MUC5B: variants seen among roughly 807,000 people sequenced by gnomAD.
MUC5B encodes the protein mucin-5B.
A neutral mutation model predicts 376.9 loss-of-function variants in MUC5B; 116 were observed. The ratio of observed to expected loss-of-function variants is 0.31; its 90% confidence interval spans 0.26 to 0.36. MUC5B has a LOEUF of 0.36. Ranked by LOEUF, MUC5B falls within the 10% of genes least tolerant of loss-of-function variation. MUC5B has a pLI of 1.00. For synonymous variants in MUC5B, 3,517 were observed against 3,390.9 expected (o/e 1.04, Z -1.29); for missense variants, 7,165 against 7,769.9 (o/e 0.92, Z 2.93).
rs768196831 is a variant in MUC5B, at chr11:1,243,122, C to T, written c.6242C>T (p.Thr2081Ile). 1 of 1,610,618 alleles carries T rather than the reference C, an allele frequency of 6.2e-7. No individual in the cohort carries two copies. Among genetic ancestry groups the T allele is most frequent in the Admixed American group, 1.7e-5 (1 of 59,796 alleles). The change falls in exon 31 of 49, where the codon ACC (threonine) becomes ATC (isoleucine). Residue 2081 changes from threonine to isoleucine, a missense_variant. Physicochemically the swap from Thr to Ile is moderately conservative, Grantham distance 89. Around this residue, in one of 31 missense-constraint regions of MUC5B, gnomAD observed 897 missense variants for 779.6 expected, o/e 1.15. Transcript: ENST00000529681. ...CCTCCAGTGTGGATCAGCACAACCA[C>T]CACACCCACAACCAGAGGCTCCACG... ...LTPPVWISTTTTPTTRGSTVT... is the reference protein window; with the variant it reads ...LTPPVWISTTITPTTRGSTVT...
chr11:1,253,975 A>C lies in MUC5B; in HGVS notation c.15218-117A>C, dbSNP rs1274552942. On this transcript the variant is annotated intron_variant, in intron 33 of 48. Coordinates refer to ENST00000529681, the MANE Select transcript of MUC5B (RefSeq NM_002458.3). The surrounding 1 kb of genome is among the most constrained non-coding windows in gnomAD (Gnocchi z 4.3). Reference sequence around the variant, plus strand: ...TTATAGACGAGGCAGCTGAGGCCCCAGGGGCTTCAGTGGCTCCCCAAGGCG... The same window carrying C: ...TTATAGACGAGGCAGCTGAGGCCCCCGGGGCTTCAGTGGCTCCCCAAGGCG... 2.8e-6 allele frequency: 4 copies of C among 1,410,298 alleles called. No homozygotes were observed. The highest frequency in any genetic ancestry group is 3.8e-6 in the Non-Finnish European group (4 of 1,049,952). 87.4% of individuals were successfully genotyped at this position (1,410,298 alleles called of 1,614,324 possible).
chr11:1,246,336 C>G lies in MUC5B; in HGVS notation c.9456C>G (p.Ala3152=), dbSNP rs777509378. 1.2e-6 allele frequency: 2 copies of G among 1,602,682 alleles called. No individual in the cohort carries two copies. The highest frequency in any genetic ancestry group is 2.7e-5 in the African/African-American group (2 of 74,626). Residue 3152 remains alanine (A), a synonymous_variant, in exon 31 of 49, where the codon GCC becomes GCG. Coordinates refer to ENST00000529681, the MANE Select transcript of MUC5B (RefSeq NM_002458.3). The stretch of plus-strand genomic sequence containing the variant: ...CAACTGCAGCCACTGGCCCCACGGC[C>G]ACCCCGTCCTCCACCCCAGGGACCA... ...ATTTAATGPT[A]TPSSTPGTTW... is the part of the protein sequence containing the mutation.
intron 2 of MUC5B, 49 bp from the exon 3 acceptor site, chr11:1,226,156 G>A: frequency 4.0e-6 from 6 of 1,515,464 alleles, no homozygotes; most frequent in Non-Finnish European, 5.3e-6. Flanking sequence ...GGGTGTCTCT[G>A]CTTCCCCTTC....
At chr11:1,254,582 G>C in intron 34 of MUC5B, 112 bp from the exon 35 acceptor site, 1 of 1,268,932 alleles carries the variant, frequency 7.9e-7, no homozygotes. Flanking sequence ...TTTGGGGTGG[G>C]GGATACACAG....
At position 1,241,854 on chromosome 11, in the gene MUC5B, A is replaced by G; in HGVS notation, c.4974A>G (p.Thr1658=). The G allele has an allele frequency of 6.2e-7, 1 of 1,613,378 alleles. No individual in the cohort carries two copies. The highest frequency in any genetic ancestry group is 1.3e-5 in the African/African-American group (1 of 74,950). ...TCCCCACCCTCTCAGAAGGACTGAC[A>G]TCCCCCAGATACACAAGCACCCTTG... ...TAVPTLSEGL[T]SPRYTSTLGT... The change falls in exon 31 of 49, where the codon ACA becomes ACG. Residue 1658 remains threonine (T), a synonymous_variant. Coordinates refer to ENST00000529681, the MANE Select transcript of MUC5B (RefSeq NM_002458.3).
rs1047107786 is a variant in MUC5B at position 1,234,962 on chromosome 11, G to C, written c.2631-123G>C. On this transcript the variant is annotated intron_variant, in intron 21 of 48. Transcript: ENST00000529681. The surrounding 1 kb of genome is among the most constrained non-coding windows in gnomAD (Gnocchi z 6.3). ...GGGACACCACTTCTTCCACGGAGGA[G>C]GGGTCAGGCTGGGCCTGGGGAGGCT... 9 of 1,332,334 alleles carry C rather than the reference G, an allele frequency of 6.8e-6. No homozygotes were observed. The highest frequency in any genetic ancestry group is 2.8e-5 in the Admixed American group (1 of 36,084). The allele number at this position is 1,332,334 out of a possible 1,614,324, so 82.5% of individuals were successfully genotyped here. A position where few individuals can be genotyped will look rare whatever the true frequency, so the allele number is the denominator to read the frequency against.
rs117736426 is a variant in MUC5B, at chr11:1,244,709, C to T, written c.7829C>T (p.Thr2610Ile). ...ACAGCTCACACTACCAAAGTGCTGA[C>T]TACCACAACCACGGGCTTCACAGCC... ...PGTAHTTKVL[T>I]TTTTGFTATP... The change falls in exon 31 of 49, where the codon ACT (threonine) becomes ATT (isoleucine). Residue 2610 changes from threonine to isoleucine, a missense_variant. By Grantham distance (89) the Thr-to-Ile change is moderately conservative. This residue lies in a region of MUC5B where 141 missense variants were observed against 111.2 expected (regional missense o/e 1.27). Coordinates refer to ENST00000529681, the MANE Select transcript of MUC5B (RefSeq NM_002458.3). The T allele has an allele frequency of 1.9e-6, 3 of 1,611,534 alleles. No individual in the cohort carries two copies. The highest frequency in any genetic ancestry group is 2.5e-6 in the Non-Finnish European group (3 of 1,178,378).
chr11:1,240,022 G>T, intron 28 of MUC5B, 23 bp from the exon 29 acceptor site: 2 of 1,589,416 alleles, frequency 1.3e-6, no homozygotes, highest in Non-Finnish European at 1.7e-6. Flanking sequence ...CAGGCCCTCA[G>T]CTCGCCTCTC....
At position 1,235,236 on chromosome 11, in the gene MUC5B, C is replaced by T. The variant is rs759935551; in HGVS notation, c.2769+13C>T. On this transcript the variant is annotated intron_variant, in intron 22 of 48. Transcript: ENST00000529681. ...CATCTTGGCCCAGGTACGCCGCCCC[C>T]TCGCCCACTCCTGCAGGCCGGGCAC... 1 of 1,612,222 alleles carries T rather than the reference C, an allele frequency of 6.2e-7. No homozygotes were observed.
intron 7 of MUC5B, 151 bp from the exon 8 acceptor site, chr11:1,228,412 TG>T: frequency 1.4e-6 from 1 of 700,282 alleles, no homozygotes; most frequent in Non-Finnish European, 2.3e-6. Flanking sequence ...GAGCTCTGCA[TG>T]GCCACAGTGG....
intron 1 of MUC5B, among the ~76,000 whole-genome samples, chr11:1,223,923 C>T (rs1861818563): frequency 6.6e-6 from 1 of 152,220 alleles, no homozygotes; most frequent in Non-Finnish European, 1.5e-5. Flanking sequence ...CCGCCCTCCA[C>T]CCCCTCCCAA....
At chr11:1,239,145 G>A (rs1425616958) in intron 26 of MUC5B, 118 bp downstream of exon 26, 11 of 1,253,248 alleles carry the variant, frequency 8.8e-6, no homozygotes, top group South Asian at 1.3e-5. Context: ...CATCCAACAC[G>A]CATGTGCCTC....
rs759182961 is a variant in MUC5B at position 1,233,807 on chromosome 11, G to C, written c.2336G>C (p.Gly779Ala). Residue 779 changes from glycine (G) to alanine (A), a missense_variant, in exon 19 of 49, where the codon GGG (glycine) becomes GCG (alanine). By Grantham distance (60) the Gly-to-Ala change is moderately conservative (BLOSUM62 0). This residue lies in a region of MUC5B where 530 missense variants were observed against 604.0 expected (regional missense o/e 0.88). Transcript: ENST00000529681. ...GTCTCTTGTAGTTCATGTACGGGTG[G>C]GAAGCTAAGCTGCCTGGGAGCCTCT... ...DEGAVCSCTG[G>A]KLSCLGASLQ... 7.5e-6 allele frequency: 12 copies of C among 1,605,820 alleles called. No homozygotes were observed. The highest frequency in any genetic ancestry group is 1.3e-5 in the African/African-American group (1 of 74,904).
chr11:1,237,301 G>C (rs1862182042), intron 25 of MUC5B, 137 bp downstream of exon 25: 1 of 1,141,514 alleles, frequency 8.8e-7, no homozygotes, highest in Admixed American at 4.2e-5. Context: ...AGTCCTGGAT[G>C]TCAGGTCCCA....
chr11:1,231,378 C>A, intron 13 of MUC5B, 45 bp from the exon 14 acceptor site: 1 of 1,568,648 alleles, frequency 6.4e-7, no homozygotes, highest in Non-Finnish European at 8.7e-7. Flanking sequence ...CTAGCCAGAT[C>A]TGTCCCTGCA....
intron 38 of MUC5B, among the ~76,000 whole-genome samples, 153 bp downstream of exon 38, chr11:1,256,378 C>A (rs982550582): frequency 6.6e-6 from 1 of 152,062 alleles, no homozygotes; most frequent in Non-Finnish European, 1.5e-5. Flanking sequence ...CCCTGCTGCT[C>A]CCAGATGCCT....
rs747984329 is a variant in MUC5B at position 1,242,952 on chromosome 11, C to T, written c.6072C>T (p.Thr2024=). Residue 2024 remains threonine, a synonymous_variant, in exon 31 of 49, where the codon ACC becomes ACT. Transcript: ENST00000529681. ...CTGCCCACACCTCCACAGTGCTTACCGCCACGGCCACCACAACTGGGGCCA... is the reference window on the plus strand; with the variant it reads ...CTGCCCACACCTCCACAGTGCTTACTGCCACGGCCACCACAACTGGGGCCA... ...PETAHTSTVL[T]ATATTTGATG... is the part of the protein sequence containing the mutation. The T allele has an allele frequency of 1.5e-5, 24 of 1,613,100 alleles. No individual in the cohort carries two copies. The highest frequency in any genetic ancestry group is 1.3e-4 in the Admixed American group (8 of 59,968).
chr11:1,254,665 C>G, intron 34 of MUC5B, 29 bp from the exon 35 acceptor site: 1 of 1,598,656 alleles, frequency 6.3e-7, no homozygotes, highest in Non-Finnish European at 8.5e-7. Context: ...CACTGCCTCC[C>G]AGCTCAGGGT....
Position 1,260,758 on chromosome 11 carries a change from G to A in MUC5B, c.17069+30G>A, listed in dbSNP as rs375304783. On this transcript the variant is annotated intron_variant, in intron 48 of 48. Transcript: ENST00000529681. ...GTGGGCTCCTGGCCCTGTGCCAAGA[G>A]CACCTGCGTGTGGTGGGTCCGCCCT... The A allele has an allele frequency of 7.0e-5, 108 of 1,534,902 alleles. 1 individual carries two copies. In the African/African-American group the frequency reaches 1.4e-3, roughly 19 times the overall value.
Sources: gnomAD v4.1 joint callset for allele counts (sites outside exome capture counted in the v4.1 genomes callset) on GRCh38, gnomAD v4.1.1 for gene constraint, gnomAD v4.1.1 regional missense constraint, Gnocchi (gnomAD v3.1) non-coding constraint, MANE v1.5 for transcripts, NCBI Gene and HGNC (gene_info 2026-07-23, HGNC 2026-07-21) for gene names.